DIP2C: variants seen among roughly 807,000 people sequenced by gnomAD.
The protein encoded by DIP2C is DIP2 acetate--CoA ligase C (putative), also known as disco-interacting protein 2 homolog C.
In DIP2C, 33 loss-of-function variants were observed where a neutral mutation model predicts 192.4. The observed-to-expected ratio is 0.17, with a 90% CI of 0.13 to 0.23. The LOEUF (loss-of-function observed/expected upper bound fraction) is 0.23, where lower values mean the gene tolerates loss of function less well. Among genes scored for constraint, DIP2C ranks in the 10% least tolerant of loss-of-function variants. The pLI is 1.00. For synonymous variants in DIP2C, 979 were observed against 864.1 expected (o/e 1.13, Z -2.33); for missense variants, 1,537 against 2,110.1 (o/e 0.73, Z 5.32).
intron 15 of DIP2C, 106 bp downstream of exon 15, chr10:384,440 A>T: frequency 8.6e-7 from 1 of 1,160,542 alleles, no homozygotes; most frequent in Non-Finnish European, 1.2e-6. Context: ...GTTTCTCCAT[A>T]TTGGCCCGGG....
At chr10:437,878 A>G (rs964450234) in intron 4 of DIP2C, 3 of 152,262 alleles carry the variant, frequency 2.0e-5, no homozygotes, top group African/African-American at 7.2e-5. Context: ...AAACTGAGAT[A>G]AGATCTAACC....
At chr10:556,877 C>T (rs972611707) in intron 1 of DIP2C, among the ~76,000 whole-genome samples, 2 of 152,226 alleles carry the variant, frequency 1.3e-5, no homozygotes, top group Non-Finnish European at 2.9e-5. Context: ...CTGAGTCCTT[C>T]GTAGCCCTGT....
intron 32 of DIP2C, among the ~76,000 whole-genome samples, chr10:303,513 GTTT>G (rs997435743): frequency 2.2e-4 from 34 of 151,504 alleles, no homozygotes; most frequent in Non-Finnish European, 4.1e-4. Flanking sequence ...TCTATTAAAA[GTTT>G]TTTACTTTTT....
intron 1 of DIP2C, among the ~76,000 whole-genome samples, chr10:517,439 G>A (rs185316079): frequency 8.5e-5 from 13 of 152,234 alleles, no homozygotes; most frequent in South Asian, 8.3e-4. Context: ...CCGACGCTCC[G>A]CCCCACACTG....
chr10:560,251 G>T (rs998423136), intron 1 of DIP2C, among the ~76,000 whole-genome samples: 1 of 152,188 alleles, frequency 6.6e-6, no homozygotes, highest in African/African-American at 2.4e-5. Context: ...ACGCGATCAA[G>T]GTGGACAGGA....
chr10:381,003 G>C (rs1962320474), intron 17 of DIP2C, among the ~76,000 whole-genome samples: 1 of 152,232 alleles, frequency 6.6e-6, no homozygotes, highest in South Asian at 2.1e-4. Context: ...AAACAATGCA[G>C]AGAGGGATGT....
At chr10:563,395 C>T (rs1028651765) in intron 1 of DIP2C, among the ~76,000 whole-genome samples, 1 of 152,110 alleles carries the variant, frequency 6.6e-6, no homozygotes, top group East Asian at 1.9e-4. Flanking sequence ...AGTTGTATTC[C>T]ACCCCCTTCC....
chr10:586,045 G>A (rs558393899), intron 1 of DIP2C, among the ~76,000 whole-genome samples: 3 of 152,240 alleles, frequency 2.0e-5, no homozygotes, highest in South Asian at 4.1e-4. Context: ...GGGCAGAAAC[G>A]GCTCAACTCT....
chr10:594,774 G>A (rs992799226), intron 1 of DIP2C, among the ~76,000 whole-genome samples: 3 of 152,208 alleles, frequency 2.0e-5, no homozygotes, highest in African/African-American at 7.2e-5. Flanking sequence ...ACACACAACC[G>A]AGCCGCAAAC....
intron 1 of DIP2C, among the ~76,000 whole-genome samples, chr10:640,273 G>T (rs1564294583): frequency 6.6e-6 from 1 of 152,264 alleles, no homozygotes; most frequent in Admixed American, 6.5e-5. Context: ...GCCACCAAGG[G>T]CTTTGCTTTG....
At chr10:301,868 C>T (rs767180312) in intron 32 of DIP2C, among the ~76,000 whole-genome samples, 4 of 152,186 alleles carry the variant, frequency 2.6e-5, no homozygotes, top group Admixed American at 2.6e-4. Context: ...ACCAGGAGGA[C>T]GGCAAAGCCT....
intron 1 of DIP2C, chr10:650,760 T>A (rs1441483443): frequency 1.5e-6 from 1 of 657,358 alleles, no homozygotes; most frequent in Admixed American, 2.3e-5. Context: ...TGCATAAGTT[T>A]AAGTTGTTTT....
intron 1 of DIP2C, among the ~76,000 whole-genome samples, chr10:681,201 A>T (rs1831119049): frequency 6.6e-6 from 1 of 151,096 alleles, no homozygotes; most frequent in Non-Finnish European, 1.5e-5. Flanking sequence ...CCTCAGCTAC[A>T]TGGTACAGCC....
intron 31 of DIP2C, chr10:311,678 G>T (rs932444234): frequency 5.8e-6 from 5 of 856,922 alleles, no homozygotes; most frequent in African/African-American, 5.3e-5. Context: ...AAATGGGATG[G>T]AGAAGAGGGA....
intron 1 of DIP2C, among the ~76,000 whole-genome samples, chr10:496,891 G>A (rs754333963): frequency 6.6e-6 from 1 of 152,208 alleles, no homozygotes; most frequent in Non-Finnish European, 1.5e-5. Context: ...ATGGAAGGCC[G>A]AGGCGGGCAG....
intron 1 of DIP2C, among the ~76,000 whole-genome samples, chr10:634,052 G>A (rs1026580557): frequency 6.6e-6 from 1 of 152,204 alleles, no homozygotes; most frequent in African/African-American, 2.4e-5. Flanking sequence ...AGCAGTCCTG[G>A]ACAGTCTCCA....
chr10:655,048 T>C (rs1340792511), intron 1 of DIP2C, among the ~76,000 whole-genome samples: 1 of 152,126 alleles, frequency 6.6e-6, no homozygotes. Flanking sequence ...TAGGGGAACT[T>C]GCTCAGGGGG....
chr10:502,952 C>G (rs1346812945), intron 1 of DIP2C, among the ~76,000 whole-genome samples: 1 of 152,104 alleles, frequency 6.6e-6, no homozygotes, highest in African/African-American at 2.4e-5. Context: ...GACCTGCGGA[C>G]TTACCACAAT....
At chr10:309,531 C>T (rs1293837301) in intron 32 of DIP2C, among the ~76,000 whole-genome samples, 2 of 151,962 alleles carry the variant, frequency 1.3e-5, no homozygotes, top group African/African-American at 4.8e-5. Flanking sequence ...TGCTATCACA[C>T]CTGCCACTGC....
Sources: gnomAD v4.1 joint callset for allele counts (sites outside exome capture counted in the v4.1 genomes callset) on GRCh38, gnomAD v4.1.1 for gene constraint, MANE v1.5 for transcripts, NCBI Gene and HGNC (gene_info 2026-07-23, HGNC 2026-07-21) for gene names.